The following CPLX1 variants were observed in gnomAD, a reference collection of about 807,000 sequenced individuals.
CPLX1 encodes the protein complexin-1.
CPLX1 carries 6 observed loss-of-function variants against 15.6 expected under a neutral mutation model. The observed-to-expected ratio is 0.39, with a 90% CI of 0.21 to 0.76. The LOEUF (loss-of-function observed/expected upper bound fraction) is 0.76. CPLX1 is among the 30% of genes least tolerant of loss of function. CPLX1 has a pLI of 0.43. For synonymous variants in CPLX1, 91 were observed against 75.2 expected (o/e 1.21, Z -1.08); for missense variants, 242 against 188.6 (o/e 1.28, Z -1.66).
chr4:792,277 C>T (rs1396521123), intron 3 of CPLX1, among the ~76,000 whole-genome samples, 156 bp downstream of exon 3: 2 of 152,066 alleles, frequency 1.3e-5, no homozygotes, highest in Non-Finnish European at 2.9e-5. Flanking sequence ...GGAGCCCCCA[C>T]CCCTCACCCC....
chr4:806,244 G>C (rs2152646105), intron 2 of CPLX1, among the ~76,000 whole-genome samples: 1 of 152,204 alleles, frequency 6.6e-6, no homozygotes, highest in East Asian at 1.9e-4. Flanking sequence ...TCAGAAATAA[G>C]CCTGCACACC....
intron 2 of CPLX1, among the ~76,000 whole-genome samples, chr4:819,519 C>G (rs2152648381): frequency 6.6e-6 from 1 of 152,368 alleles, no homozygotes; most frequent in Non-Finnish European, 1.5e-5. Flanking sequence ...TAAGTGTTTG[C>G]AAACTGCCTT....
intron 2 of CPLX1, chr4:804,991 C>A: frequency 1.0e-6 from 1 of 962,320 alleles, no homozygotes; most frequent in African/African-American, 1.8e-5. Flanking sequence ...GGCGGGTGCT[C>A]CTCTGTGGAG....
chr4:807,710 C>A (rs1370846487), intron 2 of CPLX1, among the ~76,000 whole-genome samples: 1 of 152,094 alleles, frequency 6.6e-6, no homozygotes, highest in African/African-American at 2.4e-5. Flanking sequence ...TCTCAAACTC[C>A]TGACCTCAGG....
intron 2 of CPLX1, among the ~76,000 whole-genome samples, chr4:793,112 G>A (rs1377853293): frequency 6.6e-6 from 1 of 152,234 alleles, no homozygotes; most frequent in Non-Finnish European, 1.5e-5. Flanking sequence ...TTGTGTGTGA[G>A]CTTCCAGGGG....
chr4:824,932 G>T (rs1746948264), intron 1 of CPLX1: 1 of 377,970 alleles, frequency 2.6e-6, no homozygotes, highest in Non-Finnish European at 5.1e-6. Flanking sequence ...TGACTGCTCC[G>T]CTCTGCAGCT....
rs554155437 is a variant in CPLX1 at position 795,132 on chromosome 4, C to G, written c.32-2524G>C. Among the ~76,000 whole-genome samples, 57 of 152,362 alleles carry G rather than the reference C, an allele frequency of 3.7e-4. No homozygotes were observed. The East Asian group carries it at 6.6e-3, about 18-fold the overall frequency. ...CGTCACAGATGCCGCCCACGCCCCC[C>G]CGCTTTTCGGCCCGGGTACTGCAGG... is the stretch of plus-strand genomic sequence containing the variant. On this transcript the variant is annotated intron_variant, in intron 2 of 3. Transcript: ENST00000304062.
chr4:822,954 G>A (rs912220198), intron 2 of CPLX1, among the ~76,000 whole-genome samples: 1 of 152,194 alleles, frequency 6.6e-6, no homozygotes, highest in Non-Finnish European at 1.5e-5. Context: ...GGCTGCCCCC[G>A]CTCAGCTCCA....
intron 2 of CPLX1, among the ~76,000 whole-genome samples, chr4:818,017 G>A (rs925223623): frequency 6.6e-6 from 1 of 152,232 alleles, no homozygotes; most frequent in African/African-American, 2.4e-5. Context: ...ATCCCTGAGC[G>A]CATTGGGCAA....
At chr4:804,820 G>A (rs1746523473) in intron 2 of CPLX1, 2 of 985,328 alleles carry the variant, frequency 2.0e-6, no homozygotes, top group Admixed American at 6.2e-5. Flanking sequence ...TCAGCCTGGA[G>A]GCCGGCAAGC....
At chr4:786,856 C>CG (rs1397138894) in intron 3 of CPLX1, 158 bp from the exon 4 acceptor site, 2 of 974,380 alleles carry the variant, frequency 2.1e-6, no homozygotes. Flanking sequence ...AGAGACCCCA[C>CG]CCCGGGGGGT....
At chr4:814,514 T>G (rs1445452786) in intron 2 of CPLX1, among the ~76,000 whole-genome samples, 2 of 151,942 alleles carry the variant, frequency 1.3e-5, no homozygotes, top group African/African-American at 4.8e-5. Flanking sequence ...CGCCCGGCCC[T>G]CTCCCTGACT....
At chr4:824,856 C>T in intron 1 of CPLX1, 1 of 525,550 alleles carries the variant, frequency 1.9e-6, no homozygotes, top group Non-Finnish European at 3.6e-6. Context: ...GCTTAGGGGG[C>T]ATCGCTCAGA....
chr4:807,215 A>G (rs1362490502), intron 2 of CPLX1, among the ~76,000 whole-genome samples: 2 of 152,356 alleles, frequency 1.3e-5, no homozygotes, highest in Non-Finnish European at 2.9e-5. Flanking sequence ...TCAGCAAACT[A>G]ACACAGGAAC....
intron 3 of CPLX1, among the ~76,000 whole-genome samples, chr4:792,124 A>G (rs927240587): frequency 2.0e-5 from 3 of 151,142 alleles, no homozygotes; most frequent in African/African-American, 7.3e-5. Context: ...TGGCCGCCCC[A>G]CGACCCCTCG....
intron 2 of CPLX1, among the ~76,000 whole-genome samples, chr4:797,724 G>A (rs925702122): frequency 2.0e-5 from 3 of 150,758 alleles, no homozygotes; most frequent in Non-Finnish European, 3.0e-5. Flanking sequence ...ACGAGGTCAG[G>A]AGATCGAGAC....
chr4:825,260 T>C (rs1746956326), intron 1 of CPLX1, among the ~76,000 whole-genome samples: 1 of 152,052 alleles, frequency 6.6e-6, no homozygotes, highest in Non-Finnish European at 1.5e-5. Flanking sequence ...GGAAGCCGCT[T>C]TCTGAAATCA....
chr4:813,264 CAAAAA>C (rs397881229), intron 2 of CPLX1, among the ~76,000 whole-genome samples: 4 of 93,100 alleles, frequency 4.3e-5, no homozygotes, highest in Non-Finnish European at 4.5e-5. Context: ...GACTCTGTCT[CAAAAA>C]AAAAAAAAAA....
At chr4:818,847 C>T (rs1173233866) in intron 2 of CPLX1, among the ~76,000 whole-genome samples, 2 of 152,340 alleles carry the variant, frequency 1.3e-5, no homozygotes, top group Non-Finnish European at 2.9e-5. Flanking sequence ...GCAGTGCCCG[C>T]GGCCAAGGAC....
Sources: allele counts gnomAD v4.1 joint callset (sites outside exome capture counted in the v4.1 genomes callset), GRCh38; gene constraint gnomAD v4.1.1; transcripts MANE v1.5; gene names NCBI Gene and HGNC (gene_info 2026-07-23, HGNC 2026-07-21).